The following CDC42BPA variants were observed in gnomAD, a reference collection of about 807,000 sequenced individuals.
CDC42BPA encodes serine/threonine-protein kinase MRCK alpha.
CDC42BPA carries 80 observed loss-of-function variants against 223.5 expected under a neutral mutation model. The observed-to-expected ratio is 0.36, with a 90% CI of 0.30 to 0.43. The LOEUF (loss-of-function observed/expected upper bound fraction) is 0.43, where lower values mean the gene tolerates loss of function less well. Ranked by LOEUF, CDC42BPA falls within the 20% of genes least tolerant of loss-of-function variation. CDC42BPA has a pLI of 1.00. For synonymous variants in CDC42BPA, 694 were observed against 718.6 expected, an observed-to-expected ratio of 0.97 and a Z score of 0.55; for missense variants, 1,743 against 2,099.9, an observed-to-expected ratio of 0.83 and a Z score of 3.32.
chr1:227,204,202 G>A (rs1038607613), intron 3 of CDC42BPA, among the ~76,000 whole-genome samples: 2 of 152,072 alleles, frequency 1.3e-5, no homozygotes, highest in Non-Finnish European at 2.9e-5. Context: ...AGAATTCCAA[G>A]TATTACCATG....
chr1:227,250,210 G>A (rs1335658886), intron 2 of CDC42BPA, among the ~76,000 whole-genome samples: 1 of 152,112 alleles, frequency 6.6e-6, no homozygotes, highest in Non-Finnish European at 1.5e-5. Flanking sequence ...AATAAGGCCA[G>A]GCATGGTGGC....
At chr1:227,097,868 G>T (rs1009461772) in intron 15 of CDC42BPA, among the ~76,000 whole-genome samples, 8 of 152,134 alleles carry the variant, frequency 5.3e-5, no homozygotes, top group African/African-American at 1.7e-4. Context: ...ATCAGAGAAG[G>T]GATGCAACCC....
At chr1:227,310,636 A>G (rs746692591) in intron 1 of CDC42BPA, among the ~76,000 whole-genome samples, 2 of 152,078 alleles carry the variant, frequency 1.3e-5, no homozygotes, top group Non-Finnish European at 2.9e-5. Context: ...CTCACCATTA[A>G]TGGAGAAGAA....
intron 21 of CDC42BPA, among the ~76,000 whole-genome samples, chr1:227,061,220 G>T (rs1675864972): frequency 6.6e-6 from 1 of 152,022 alleles, no homozygotes; most frequent in Non-Finnish European, 1.5e-5. Context: ...ATTCCTTCTT[G>T]CCCCCAAAAC....
chr1:227,246,546 G>A (rs1284732607), intron 2 of CDC42BPA, among the ~76,000 whole-genome samples: 1 of 152,102 alleles, frequency 6.6e-6, no homozygotes, highest in African/African-American at 2.4e-5. Context: ...CAATATGTTT[G>A]GAAGAAAGTA....
At chr1:227,206,782 A>G (rs1462148998) in intron 3 of CDC42BPA, among the ~76,000 whole-genome samples, 3 of 152,128 alleles carry the variant, frequency 2.0e-5, no homozygotes, top group Admixed American at 2.0e-4. Context: ...GTACCTTTCA[A>G]ATATGGAATC....
intron 1 of CDC42BPA, among the ~76,000 whole-genome samples, chr1:227,271,559 T>C (rs992977912): frequency 2.6e-5 from 4 of 152,116 alleles, no homozygotes; most frequent in Non-Finnish European, 4.4e-5. Context: ...TGATGGCTGA[T>C]AGATATATTC....
intron 6 of CDC42BPA, among the ~76,000 whole-genome samples, chr1:227,150,105 T>C (rs1234659143): frequency 6.6e-6 from 1 of 151,760 alleles, no homozygotes; most frequent in Non-Finnish European, 1.5e-5. Flanking sequence ...ATGTCTGTAC[T>C]ACCAGCAACT....
chr1:227,061,030 C>T (rs1399220756), intron 21 of CDC42BPA, among the ~76,000 whole-genome samples: 1 of 152,038 alleles, frequency 6.6e-6, no homozygotes, highest in Non-Finnish European at 1.5e-5. Context: ...CAGAAATATT[C>T]TTTCTTTCCA....
chr1:227,295,069 T>TA (rs1558978410), intron 1 of CDC42BPA, among the ~76,000 whole-genome samples: 2 of 152,028 alleles, frequency 1.3e-5, no homozygotes, highest in Non-Finnish European at 2.9e-5. Flanking sequence ...TTCTGCTTTT[T>TA]AAAAAAATGT....
rs752420862 is a variant in CDC42BPA, at chr1:227,029,142, G to A, written c.3947C>T (p.Pro1316Leu). 6.2e-7 allele frequency: 1 copy of A among 1,608,626 alleles called. No individual in the cohort carries two copies. The highest frequency in any genetic ancestry group is 2.2e-5 in the East Asian group (1 of 44,892). Residue 1316 changes from proline (P) to leucine (L), a missense_variant, in exon 30 of 37, where the codon CCT becomes CTT. Physicochemically the swap from Pro to Leu is moderately conservative, Grantham distance 98. Transcript: ENST00000366766. ...SGRNRHVRLFPMSALDGRETD... is the reference protein window; with the variant it reads ...SGRNRHVRLFLMSALDGRETD... ...CTCTCGCCCATCCAATGCTGACATA[G>A]GAAAAAGTCGTACATGACGATTTCG...
At chr1:227,300,709 T>C (rs972317144) in intron 1 of CDC42BPA, among the ~76,000 whole-genome samples, 7 of 152,130 alleles carry the variant, frequency 4.6e-5, no homozygotes, top group South Asian at 2.1e-4. Context: ...TAAAAAACTA[T>C]ATATTGGGTA....
intron 5 of CDC42BPA, among the ~76,000 whole-genome samples, chr1:227,189,003 AGAT>A (rs1282206328): frequency 6.6e-6 from 1 of 152,120 alleles, no homozygotes; most frequent in Non-Finnish European, 1.5e-5. Context: ...AATTTTTCTA[AGAT>A]CCTAAAACTG....
At chr1:227,140,068 T>C (rs907769418) in intron 9 of CDC42BPA, among the ~76,000 whole-genome samples, 2 of 152,168 alleles carry the variant, frequency 1.3e-5, no homozygotes, top group African/African-American at 4.8e-5. Context: ...TTAAAACAAT[T>C]TGACCACCTA....
chr1:227,307,222 C>A (rs1392720991), intron 1 of CDC42BPA, among the ~76,000 whole-genome samples: 4 of 152,168 alleles, frequency 2.6e-5, no homozygotes, highest in African/African-American at 9.7e-5. Context: ...ATATACACCC[C>A]ATGCAAAACT....
chr1:227,196,233 A>T (rs1420036977), intron 4 of CDC42BPA, among the ~76,000 whole-genome samples: 1 of 151,404 alleles, frequency 6.6e-6, no homozygotes, highest in East Asian at 1.9e-4. Flanking sequence ...ATATCAGGAA[A>T]CTCTTTTAAT....
intron 5 of CDC42BPA, 121 bp downstream of exon 5, chr1:227,193,665 T>A: frequency 1.3e-6 from 1 of 790,568 alleles, no homozygotes; most frequent in Non-Finnish European, 1.9e-6. Context: ...TCAAAATAAT[T>A]TTTTTTGGTT....
chr1:227,065,033 C>G (rs893249752), intron 21 of CDC42BPA, among the ~76,000 whole-genome samples: 11 of 151,948 alleles, frequency 7.2e-5, no homozygotes, highest in Admixed American at 2.6e-4. Context: ...GGAGGCGGAG[C>G]TTGCAGTGAG....
At chr1:227,084,510 AGAGT>A (rs1199473117) in intron 16 of CDC42BPA, among the ~76,000 whole-genome samples, 1 of 150,254 alleles carries the variant, frequency 6.7e-6, no homozygotes. Context: ...CCTGGGCAGC[AGAGT>A]GAGACTTCAT....
Sources: gnomAD v4.1 joint callset for allele counts (sites outside exome capture counted in the v4.1 genomes callset) on GRCh38, gnomAD v4.1.1 for gene constraint, MANE v1.5 for transcripts, NCBI Gene and HGNC (gene_info 2026-07-23, HGNC 2026-07-21) for gene names.